Variants in ROBO2 observed in about 807,000 individuals in gnomAD.
ROBO2 encodes the protein roundabout guidance receptor 2, also known as roundabout homolog 2.
A neutral mutation model predicts 160.8 loss-of-function variants in ROBO2; 53 were observed. The ratio of observed to expected loss-of-function variants is 0.33; its 90% CI spans 0.26 to 0.41. ROBO2 has a LOEUF of 0.41. ROBO2 is among the 10% of genes least tolerant of loss of function. The pLI, the probability that ROBO2 is intolerant of heterozygous loss-of-function variation, is 1.00. For synonymous variants in ROBO2, 664 were observed against 611.7 expected (o/e 1.09, Z -1.26); for missense variants, 1,577 against 1,722.4 (o/e 0.92, Z 1.49).
intron 2 of ROBO2, among the ~76,000 whole-genome samples, chr3:76,771,900 C>T (rs551443519): frequency 6.6e-6 from 1 of 151,166 alleles, no homozygotes; most frequent in East Asian, 2.0e-4. Flanking sequence ...CTACTGAGTA[C>T]CAATTTTTAC....
intron 2 of ROBO2, among the ~76,000 whole-genome samples, chr3:76,950,363 T>C (rs2078883914): frequency 6.6e-6 from 1 of 152,232 alleles, no homozygotes. Flanking sequence ...TTTATGTTAC[T>C]TTGTCATTTT....
At chr3:77,529,175 C>A (rs1273651149) in intron 6 of ROBO2, among the ~76,000 whole-genome samples, 1 of 150,490 alleles carries the variant, frequency 6.6e-6, no homozygotes, top group Admixed American at 6.6e-5. Flanking sequence ...AAATTATATA[C>A]AACAATGATA....
At chr3:75,949,991 T>G (rs1361136948) in intron 2 of ROBO2, among the ~76,000 whole-genome samples, 1 of 148,972 alleles carries the variant, frequency 6.7e-6, no homozygotes, top group African/African-American at 2.5e-5. Context: ...TCTGGGAATC[T>G]GTGTCAATGG....
chr3:75,939,742 A>G (rs1947957887), intron 2 of ROBO2, among the ~76,000 whole-genome samples: 2 of 152,186 alleles, frequency 1.3e-5, no homozygotes, highest in Non-Finnish European at 2.9e-5. Context: ...AATAAGCCTC[A>G]TTAAATATTA....
chr3:77,625,471 G>A (rs543288443), intron 23 of ROBO2, among the ~76,000 whole-genome samples: 29 of 151,644 alleles, frequency 1.9e-4, no homozygotes, highest in Admixed American at 7.2e-4. Context: ...TATCCCTCTC[G>A]GGTTCAAGCG....
intron 2 of ROBO2, among the ~76,000 whole-genome samples, chr3:76,983,811 C>A (rs189186640): frequency 6.6e-6 from 1 of 152,254 alleles, no homozygotes; most frequent in East Asian, 1.9e-4. Context: ...GTGGCTTGAC[C>A]CAAATCAGCT....
chr3:76,279,148 G>A (rs1042167626), intron 2 of ROBO2, among the ~76,000 whole-genome samples: 2 of 150,978 alleles, frequency 1.3e-5, no homozygotes, highest in Admixed American at 6.6e-5. Context: ...TCTTATATAT[G>A]CATGTGGTGT....
intron 2 of ROBO2, among the ~76,000 whole-genome samples, chr3:76,182,970 TTTTAATTTTA>T (rs1701580909): frequency 6.6e-6 from 1 of 152,192 alleles, no homozygotes; most frequent in Non-Finnish European, 1.5e-5. Context: ...TGTCATTGTC[TTTTAATTTTA>T]TGGGTCAGAA....
intron 2 of ROBO2, among the ~76,000 whole-genome samples, chr3:76,193,748 G>T (rs887422356): frequency 6.6e-6 from 1 of 152,306 alleles, no homozygotes; most frequent in East Asian, 1.9e-4. Flanking sequence ...AAAATGTTGT[G>T]TGAATACAAA....
intron 1 of ROBO2, among the ~76,000 whole-genome samples, chr3:75,922,220 G>T (rs935551276): frequency 2.6e-5 from 4 of 152,008 alleles, no homozygotes; most frequent in African/African-American, 7.2e-5. Context: ...TTGCACAAAG[G>T]TATACTATGT....
At chr3:76,311,127 G>C (rs1344174584) in intron 2 of ROBO2, 1 of 152,194 alleles carries the variant, frequency 6.6e-6, no homozygotes, top group African/African-American at 2.4e-5. Flanking sequence ...AGCCGGATCC[G>C]TGAGAAATGT....
intron 2 of ROBO2, among the ~76,000 whole-genome samples, chr3:76,725,425 T>A (rs186922770): frequency 6.6e-6 from 1 of 152,324 alleles, no homozygotes; most frequent in African/African-American, 2.4e-5. Context: ...CAGAAATTAT[T>A]ATGTTCCTTT....
At chr3:76,274,471 G>A (rs1172941569) in intron 2 of ROBO2, among the ~76,000 whole-genome samples, 1 of 152,076 alleles carries the variant, frequency 6.6e-6, no homozygotes. Context: ...ACTATTTTAT[G>A]AATCTGATAT....
At chr3:77,118,944 C>T (rs918604827) in intron 2 of ROBO2, among the ~76,000 whole-genome samples, 5 of 152,096 alleles carry the variant, frequency 3.3e-5, no homozygotes, top group East Asian at 1.9e-4. Context: ...GGCTCTGTGT[C>T]GCCACCCAAA....
chr3:77,220,060 G>T (rs1357253481), intron 2 of ROBO2, among the ~76,000 whole-genome samples: 1 of 152,028 alleles, frequency 6.6e-6, no homozygotes, highest in East Asian at 2.0e-4. Flanking sequence ...GCCCAGGCTG[G>T]AGTGCAGTGG....
At chr3:76,977,187 G>A (rs1041682656) in intron 2 of ROBO2, among the ~76,000 whole-genome samples, 1 of 152,150 alleles carries the variant, frequency 6.6e-6, no homozygotes, top group Non-Finnish European at 1.5e-5. Context: ...GCTCAATAAT[G>A]TTGGCAGCTC....
chr3:76,185,212 A>ATG (rs1701694664), intron 2 of ROBO2, among the ~76,000 whole-genome samples: 1 of 110,752 alleles, frequency 9.0e-6, no homozygotes, highest in Non-Finnish European at 2.0e-5. Context: ...ATATATATAT[A>ATG]TATACACACA....
At chr3:76,890,345 T>C (rs527918636) in intron 2 of ROBO2, among the ~76,000 whole-genome samples, 8 of 152,330 alleles carry the variant, frequency 5.3e-5, no homozygotes, top group Admixed American at 3.9e-4. Flanking sequence ...CAGTGAAGAT[T>C]TGAGCCCAGT....
chr3:76,310,567 A>C (rs1044601959), intron 2 of ROBO2, among the ~76,000 whole-genome samples: 8 of 152,204 alleles, frequency 5.3e-5, no homozygotes, highest in African/African-American at 1.9e-4. Flanking sequence ...TTTATGAATC[A>C]TTAGTGCCGA....
Sources: allele counts gnomAD v4.1 joint callset (sites outside exome capture counted in the v4.1 genomes callset), GRCh38; gene constraint gnomAD v4.1.1; transcripts MANE v1.5; gene names NCBI Gene and HGNC (gene_info 2026-07-23, HGNC 2026-07-21).